Variants in IMPA2 observed in about 807,000 individuals in gnomAD.
IMPA2 encodes inositol monophosphatase 2.
Under a neutral mutation model 35.1 loss-of-function variants are expected in IMPA2, and 32 were observed. The observed-to-expected ratio is 0.91, with a 90% CI of 0.69 to 1.23. The LOEUF (loss-of-function observed/expected upper bound fraction) is 1.23. IMPA2 is among the 50% of genes most tolerant of loss of function. IMPA2 has a pLI of 0.00. For missense variants in IMPA2, 334 were observed against 387.6 expected (o/e 0.86, Z 1.16); for synonymous variants, 135 against 160.6 (o/e 0.84, Z 1.20).
Position 12,008,094 on chromosome 18 carries a change from C to T in IMPA2, c.231-1789C>T, listed in dbSNP as rs1379545669. 2.6e-5 allele frequency among the ~76,000 whole-genome samples: 4 copies of T among 152,282 alleles called. No individual in the cohort carries two copies. In the East Asian group the frequency reaches 7.7e-4, roughly 29 times the overall value. On this transcript the variant is annotated intron_variant, in intron 2 of 7. Coordinates refer to ENST00000269159, the MANE Select transcript of IMPA2 (RefSeq NM_014214.3). ...CACTGCAACCTCCACCTCCTGGGTT[C>T]AAGCAATTCTCCTCTCTCAGTCTCT... is the stretch of plus-strand genomic sequence containing the variant.
chr18:12,020,167 TCG>T, intron 5 of IMPA2, among the ~76,000 whole-genome samples: 1 of 150,280 alleles, frequency 6.7e-6, no homozygotes, highest in African/African-American at 2.5e-5. Flanking sequence ...GCCACCACAC[TCG>T]GCCTTTATTT....
intron 1 of IMPA2, among the ~76,000 whole-genome samples, chr18:11,997,204 C>T (rs1240019890): frequency 6.6e-6 from 1 of 152,198 alleles, no homozygotes; most frequent in South Asian, 2.1e-4. Flanking sequence ...GCTACGGGAG[C>T]CACATGTGAG....
intron 5 of IMPA2, among the ~76,000 whole-genome samples, chr18:12,026,706 G>A (rs1907890204): frequency 6.6e-6 from 1 of 152,194 alleles, no homozygotes; most frequent in African/African-American, 2.4e-5. Flanking sequence ...AAGGGTTGCT[G>A]GAGCCTGTCT....
intron 1 of IMPA2, among the ~76,000 whole-genome samples, chr18:11,992,486 T>C (rs746695881): frequency 6.6e-6 from 1 of 152,186 alleles, no homozygotes; most frequent in East Asian, 1.9e-4. Context: ...ACAGGAAAGA[T>C]AGTTGGACGT....
chr18:12,007,620 T>TTCTC (rs1568032816), intron 2 of IMPA2, among the ~76,000 whole-genome samples: 3 of 112,506 alleles, frequency 2.7e-5, no homozygotes, highest in Non-Finnish European at 3.5e-5. Flanking sequence ...CTTTCTTTCT[T>TTCTC]TTTCTTTCTT....
intron 5 of IMPA2, among the ~76,000 whole-genome samples, chr18:12,020,068 A>AT (rs1411622859): frequency 1.3e-5 from 2 of 150,602 alleles, no homozygotes; most frequent in Non-Finnish European, 3.0e-5. Context: ...TAAAGACAGG[A>AT]TTTCACCATG....
Position 11,993,282 on chromosome 18 carries a change from A to G in IMPA2, c.97-5772A>G, listed in dbSNP as rs146949911. Among the ~76,000 whole-genome samples, 20 of 152,330 alleles carry G rather than the reference A, an allele frequency of 1.3e-4. No individual in the cohort carries two copies. The East Asian group carries it at 3.7e-3, about 28-fold the overall frequency. ...ACTTTATCCCTCTCTACTCCCACTG[A>G]TGTTATGAAACTGCTGAAAACAAGA... On this transcript the variant is annotated intron_variant, in intron 1 of 7. Transcript: ENST00000269159.
Position 11,981,778 on chromosome 18 carries a change from G to A in IMPA2, c.96+13G>A. The stretch of plus-strand genomic sequence containing the variant: ...GCGGGCAGGACAGGTGAGCGCCACG[G>A]CTGGGCTCGGAAGTCCGGGCGGAGC... On this transcript the variant is annotated intron_variant, in intron 1 of 7. Coordinates refer to ENST00000269159, the MANE Select transcript of IMPA2 (RefSeq NM_014214.3). 2.5e-6 allele frequency: 3 copies of A among 1,223,754 alleles called. No individual in the cohort carries two copies. The highest frequency in any genetic ancestry group is 3.1e-6 in the Non-Finnish European group (3 of 981,788). The allele number at this position is 1,223,754 out of a possible 1,614,324, so 75.8% of individuals were successfully genotyped here. A position where few individuals can be genotyped will look rare whatever the true frequency, so the allele number is the denominator to read the frequency against.
intron 2 of IMPA2, among the ~76,000 whole-genome samples, chr18:12,005,621 C>T (rs1035209914): frequency 1.3e-5 from 2 of 152,202 alleles, no homozygotes; most frequent in Non-Finnish European, 2.9e-5. Flanking sequence ...ATAGTTGCTG[C>T]TGGGAAAACA....
At chr18:12,015,060 A>G (rs1464088578) in intron 5 of IMPA2, among the ~76,000 whole-genome samples, 2 of 152,202 alleles carry the variant, frequency 1.3e-5, no homozygotes, top group Admixed American at 6.5e-5. Context: ...TGAGACAGGT[A>G]CTGTAGGGAA....
chr18:12,010,506 G>A lies in IMPA2; in HGVS notation c.335+519G>A, dbSNP rs73946215. Reference sequence around the variant, plus strand: ...AAGGGAATGGAGCTTCGGGGATGGTGAAGTGACAGGATGCAAAGGTGACAG... The same window carrying A: ...AAGGGAATGGAGCTTCGGGGATGGTAAAGTGACAGGATGCAAAGGTGACAG... On this transcript the variant is annotated intron_variant, in intron 3 of 7. Coordinates refer to ENST00000269159, the MANE Select transcript of IMPA2 (RefSeq NM_014214.3). This position sits in a 1 kb window ranked among gnomAD's most constrained non-coding sequence, Gnocchi z 4.8. Among the ~76,000 whole-genome samples the A allele has an allele frequency of 0.015, 2,277 of 152,356 alleles. 45 individuals carry two copies. The highest frequency in any genetic ancestry group is 0.036 in the African/African-American group (1,510 of 41,568).
intron 2 of IMPA2, among the ~76,000 whole-genome samples, chr18:12,000,724 T>C (rs1384935216): frequency 6.7e-6 from 1 of 150,176 alleles, no homozygotes; most frequent in Non-Finnish European, 1.5e-5. Flanking sequence ...CACGCCATTC[T>C]CCTGCCTCAG....
chr18:11,982,500 G>C (rs1427382111), intron 1 of IMPA2, among the ~76,000 whole-genome samples: 1 of 152,154 alleles, frequency 6.6e-6, no homozygotes, highest in African/African-American at 2.4e-5. Context: ...TTGTCTCTTA[G>C]GATGTGATTG....
chr18:11,994,580 T>A (rs1475716370), intron 1 of IMPA2, among the ~76,000 whole-genome samples: 1 of 152,228 alleles, frequency 6.6e-6, no homozygotes, highest in Non-Finnish European at 1.5e-5. Flanking sequence ...AAACTGAGTG[T>A]ATAAATACCA....
chr18:12,007,618 CTTTTTCTTTCT>C (rs1907294209), intron 2 of IMPA2, among the ~76,000 whole-genome samples: 1 of 127,078 alleles, frequency 7.9e-6, no homozygotes, highest in African/African-American at 3.3e-5. Flanking sequence ...TTCTTTCTTT[CTTTTTCTTTCT>C]TCTTTCTTTC....
At chr18:11,989,028 A>G (rs1414989125) in intron 1 of IMPA2, among the ~76,000 whole-genome samples, 2 of 152,172 alleles carry the variant, frequency 1.3e-5, no homozygotes, top group South Asian at 2.1e-4. Context: ...GGGTTTCACT[A>G]AGTGGAGATG....
chr18:12,022,006 C>T (rs1264314177), intron 5 of IMPA2, among the ~76,000 whole-genome samples: 1 of 152,132 alleles, frequency 6.6e-6, no homozygotes, highest in East Asian at 1.9e-4. Flanking sequence ...TGTCCTATTT[C>T]AAAATGTATG....
chr18:12,027,762 T>G (rs1568039796), intron 5 of IMPA2, among the ~76,000 whole-genome samples: 1 of 151,012 alleles, frequency 6.6e-6, no homozygotes. Context: ...TTTTTTTTTT[T>G]GCAGAGATGG....
chr18:12,016,666 G>A (rs1234323716), intron 5 of IMPA2, among the ~76,000 whole-genome samples: 2 of 152,074 alleles, frequency 1.3e-5, no homozygotes, highest in East Asian at 1.9e-4. Flanking sequence ...TGATCCACCC[G>A]CCTCGGCCTC....
Sources: gnomAD v4.1 joint callset for allele counts (sites outside exome capture counted in the v4.1 genomes callset) on GRCh38, gnomAD v4.1.1 for gene constraint, Gnocchi (gnomAD v3.1) non-coding constraint, MANE v1.5 for transcripts, NCBI Gene and HGNC (gene_info 2026-07-23, HGNC 2026-07-21) for gene names.